Variants in CSMD1 observed in about 807,000 individuals in gnomAD.
CSMD1 encodes the protein CUB and sushi domain-containing protein 1.
Under a neutral mutation model 417.5 loss-of-function variants are expected in CSMD1, and 213 were observed. The ratio of observed to expected loss-of-function variants is 0.51; its 90% CI spans 0.46 to 0.57. The LOEUF (loss-of-function observed/expected upper bound fraction) is 0.57, where lower values mean the gene tolerates loss of function less well. Ranked by LOEUF, CSMD1 falls within the 20% of genes least tolerant of loss-of-function variation. CSMD1 has a pLI of 0.00. For missense variants in CSMD1, 6,923 were observed against 4,529.7 expected (o/e 1.53, Z -15.17); for synonymous variants, 2,862 against 1,736.8 (o/e 1.65, Z -16.11).
intron 7 of CSMD1, among the ~76,000 whole-genome samples, chr8:3,671,007 AT>A (rs1421524323): frequency 7.0e-5 from 3 of 42,564 alleles, no homozygotes; most frequent in African/African-American, 1.0e-4. Flanking sequence ...TATGTATGGG[AT>A]ATATATGTAT....
At chr8:3,776,823 T>TATATATATATATATATATATATAC (rs1173402964) in intron 5 of CSMD1, among the ~76,000 whole-genome samples, 3 of 151,154 alleles carry the variant, frequency 2.0e-5, no homozygotes, top group African/African-American at 7.3e-5. Context: ...TATATATATA[T>TATATATATATATATATATATATAC]ACAGATGACA....
At chr8:4,580,721 G>T (rs894812075) in intron 2 of CSMD1, among the ~76,000 whole-genome samples, 7 of 152,140 alleles carry the variant, frequency 4.6e-5, no homozygotes, top group African/African-American at 1.7e-4. Flanking sequence ...AGCCCTTCCT[G>T]ATTAAATCAC....
chr8:4,989,972 C>T (rs1811376777), intron 1 of CSMD1, among the ~76,000 whole-genome samples: 1 of 152,158 alleles, frequency 6.6e-6, no homozygotes, highest in Non-Finnish European at 1.5e-5. Context: ...GAAGCTTCAG[C>T]ACTGTGGTTG....
At position 3,118,195 on chromosome 8, in the gene CSMD1, GC is replaced by G. The variant is rs574452650; in HGVS notation, c.6430+203del. Among the ~76,000 whole-genome samples, 446 of 152,110 alleles carry G rather than the reference GC, an allele frequency of 2.9e-3. 3 individuals are homozygous for G. The highest frequency in any genetic ancestry group is 0.01 in the South Asian group (49 of 4,816). ...TTTTGCCATCCTTATAATTTCCTTG[GC>G]AACAAGGATTGTTTCTTTACTTCTA... On this transcript the variant is annotated intron_variant, in intron 42 of 69. Coordinates refer to ENST00000635120, the MANE Select transcript of CSMD1 (RefSeq NM_033225.6).
chr8:4,809,392 T>C (rs1470460859), intron 1 of CSMD1, among the ~76,000 whole-genome samples: 4 of 152,194 alleles, frequency 2.6e-5, no homozygotes, highest in African/African-American at 9.6e-5. Flanking sequence ...TACTCAACAT[T>C]TTAAGCAGTA....
chr8:3,878,916 G>C (rs990263197), intron 5 of CSMD1, among the ~76,000 whole-genome samples: 1 of 152,150 alleles, frequency 6.6e-6, no homozygotes, highest in African/African-American at 2.4e-5. Context: ...AAGTCTCAGA[G>C]AATGTACATG....
At chr8:4,526,562 A>T (rs995300017) in intron 2 of CSMD1, among the ~76,000 whole-genome samples, 2 of 152,246 alleles carry the variant, frequency 1.3e-5, no homozygotes, top group Admixed American at 6.5e-5. Context: ...GTCTATTACG[A>T]AGGTAGCTGA....
chr8:3,407,478 T>C (rs747358117), intron 14 of CSMD1, among the ~76,000 whole-genome samples: 1 of 151,608 alleles, frequency 6.6e-6, no homozygotes, highest in African/African-American at 2.4e-5. Flanking sequence ...GATGGATAGA[T>C]GCATGGATGG....
intron 36 of CSMD1, among the ~76,000 whole-genome samples, chr8:3,182,065 T>G (rs1290448004): frequency 6.6e-6 from 1 of 152,204 alleles, no homozygotes; most frequent in Non-Finnish European, 1.5e-5. Flanking sequence ...GAACTATCCA[T>G]TGTGTAAAAA....
rs147297328 is a variant in CSMD1 at position 4,837,393 on chromosome 8, A to G, written c.85+156939T>C. On this transcript the variant is annotated intron_variant, in intron 1 of 69. Coordinates refer to ENST00000635120, the MANE Select transcript of CSMD1 (RefSeq NM_033225.6). ...AAAGAAAATGTGGTACATAGACACC[A>G]TGGAGTACTATTCAACCATAAAAAG... is the stretch of plus-strand genomic sequence containing the variant. 8.4e-4 allele frequency among the ~76,000 whole-genome samples: 128 copies of G among 152,336 alleles called. No homozygotes were observed. The Middle Eastern group carries it at 0.014, about 16-fold the overall frequency.
At chr8:4,917,177 CAG>C (rs1174695826) in intron 1 of CSMD1, among the ~76,000 whole-genome samples, 1 of 152,138 alleles carries the variant, frequency 6.6e-6, no homozygotes, top group Non-Finnish European at 1.5e-5. Flanking sequence ...AGGAGGAAGA[CAG>C]AGAGAAGTGG....
At chr8:4,551,251 CTA>C (rs141206858) in intron 2 of CSMD1, among the ~76,000 whole-genome samples, 16,907 of 152,006 alleles carry the variant, frequency 0.11, 1,144 homozygotes, top group Non-Finnish European at 0.15. Context: ...CAGAGGCAGG[CTA>C]TCTTTTTATA....
At chr8:4,746,868 T>G (rs1239101972) in intron 1 of CSMD1, among the ~76,000 whole-genome samples, 1 of 152,192 alleles carries the variant, frequency 6.6e-6, no homozygotes, top group African/African-American at 2.4e-5. Flanking sequence ...GCAAACAACA[T>G]TCTTTAAAAG....
intron 5 of CSMD1, among the ~76,000 whole-genome samples, chr8:3,874,742 G>A (rs1332960124): frequency 6.6e-6 from 1 of 152,140 alleles, no homozygotes; most frequent in East Asian, 1.9e-4. Flanking sequence ...CAATGGAGGT[G>A]AGAACATACC....
At chr8:3,677,568 G>C (rs778768114) in intron 7 of CSMD1, among the ~76,000 whole-genome samples, 1 of 152,126 alleles carries the variant, frequency 6.6e-6, no homozygotes, top group Non-Finnish European at 1.5e-5. Flanking sequence ...AGGGTTTGGA[G>C]ATGTCTTAGA....
chr8:3,656,437 T>A (rs538650819), intron 7 of CSMD1, among the ~76,000 whole-genome samples: 1 of 152,302 alleles, frequency 6.6e-6, no homozygotes, highest in East Asian at 1.9e-4. Flanking sequence ...TTCTTATCTT[T>A]GTGAGAGTGA....
intron 10 of CSMD1, chr8:3,515,345 C>A (rs142873961): frequency 1.3e-5 from 2 of 152,306 alleles, no homozygotes; most frequent in African/African-American, 4.8e-5. Flanking sequence ...CACACAGCTA[C>A]AGATCACCAC....
intron 5 of CSMD1, among the ~76,000 whole-genome samples, chr8:3,911,673 T>C (rs746641651): frequency 6.6e-6 from 1 of 152,170 alleles, no homozygotes; most frequent in Non-Finnish European, 1.5e-5. Context: ...TGTCATTGCT[T>C]GTCGGAGCTG....
In CSMD1 at chr8:3,829,906, G is replaced by T. The variant is rs1471655017; in HGVS notation, c.819-75864C>A. Among the ~76,000 whole-genome samples the T allele has an allele frequency of 2.0e-5, 3 of 151,918 alleles. No homozygotes were observed. In the East Asian group the frequency reaches 5.8e-4, roughly 29 times the overall value. On this transcript the variant is annotated intron_variant, in intron 5 of 69. Transcript: ENST00000635120. ...AACATCTATCTACATAGATCTATTG[G>T]GAAAATGAAGGCTTTTCTCCTTTGA...
Sources: gnomAD v4.1 joint callset for allele counts (sites outside exome capture counted in the v4.1 genomes callset) on GRCh38, gnomAD v4.1.1 for gene constraint, MANE v1.5 for transcripts, NCBI Gene and HGNC (gene_info 2026-07-23, HGNC 2026-07-21) for gene names.